Variants in EYA2 observed in about 807,000 individuals in gnomAD.
EYA2 encodes protein phosphatase EYA2.
A neutral mutation model predicts 69.2 loss-of-function variants in EYA2; 31 were observed. The ratio of observed to expected loss-of-function variants is 0.45; its 90% CI spans 0.34 to 0.60. The LOEUF (loss-of-function observed/expected upper bound fraction) is 0.60. Ranked by LOEUF, EYA2 falls within the 20% of genes least tolerant of loss-of-function variation. The pLI is 0.02. For missense variants in EYA2, 622 were observed against 701.2 expected (o/e 0.89, Z 1.28); for synonymous variants, 257 against 279.4 (o/e 0.92, Z 0.80).
intron 5 of EYA2, among the ~76,000 whole-genome samples, chr20:47,060,261 A>T (rs9989919): frequency 0.032 from 4,916 of 152,308 alleles, 197 homozygotes; most frequent in East Asian, 0.11. Flanking sequence ...TTCGTTTGGC[A>T]TCTCAATTAT....
chr20:47,005,211 G>C (rs1447937096), intron 4 of EYA2, 127 bp downstream of exon 4: 1 of 1,066,650 alleles, frequency 9.4e-7, no homozygotes, highest in Non-Finnish European at 1.3e-6. Flanking sequence ...TAGAGATAAA[G>C]GGAAAAGAGT....
At chr20:47,143,291 C>A in intron 10 of EYA2, 143 bp downstream of exon 10, 1 of 761,994 alleles carries the variant, frequency 1.3e-6, no homozygotes, top group Non-Finnish European at 2.0e-6. Flanking sequence ...CTTTTGCTAA[C>A]AACCCCCAAA....
At chr20:47,057,510 AC>A (rs796462817) in intron 5 of EYA2, among the ~76,000 whole-genome samples, 9,463 of 94,540 alleles carry the variant, frequency 0.1, 791 homozygotes, top group African/African-American at 0.24. Context: ...TTTTTATATC[AC>A]CCCCCCCCCC....
At chr20:46,907,407 G>C (rs112944513) in intron 1 of EYA2, among the ~76,000 whole-genome samples, 2,339 of 152,328 alleles carry the variant, frequency 0.015, 21 homozygotes, top group Middle Eastern at 0.034. Flanking sequence ...CTGTCCAGGT[G>C]AGGAAGCAGC....
At chr20:46,899,937 C>G (rs190610815) in intron 1 of EYA2, among the ~76,000 whole-genome samples, 109 of 152,304 alleles carry the variant, frequency 7.2e-4, no homozygotes, top group Non-Finnish European at 1.2e-3. Context: ...AAAACAGGAA[C>G]TTAGACGCGC....
At chr20:47,148,089 G>A (rs1193638707) in intron 10 of EYA2, among the ~76,000 whole-genome samples, 1 of 151,570 alleles carries the variant, frequency 6.6e-6, no homozygotes, top group East Asian at 1.9e-4. Context: ...AAAAAAAATG[G>A]TCCGGGACAC....
chr20:46,999,514 G>A (rs918497401), intron 2 of EYA2, among the ~76,000 whole-genome samples: 5 of 152,230 alleles, frequency 3.3e-5, no homozygotes, highest in African/African-American at 1.2e-4. Flanking sequence ...GCACGTGCAT[G>A]CACACACAAC....
chr20:47,029,228 C>T (rs1309755305), intron 5 of EYA2, among the ~76,000 whole-genome samples: 1 of 152,210 alleles, frequency 6.6e-6, no homozygotes, highest in African/African-American at 2.4e-5. Context: ...ATGGATGTGT[C>T]CTGTCTCAGC....
At chr20:47,114,641 G>C (rs1231750352) in intron 9 of EYA2, among the ~76,000 whole-genome samples, 5 of 152,018 alleles carry the variant, frequency 3.3e-5, no homozygotes, top group Admixed American at 2.0e-4. Flanking sequence ...ATAAAGCTTT[G>C]GCCTCTATCA....
chr20:46,935,183 G>A (rs1372381970), intron 1 of EYA2, among the ~76,000 whole-genome samples: 3 of 152,212 alleles, frequency 2.0e-5, no homozygotes, highest in Admixed American at 6.5e-5. Context: ...TGTAGAGTGA[G>A]TGCAGGAAGC....
chr20:46,909,659 T>G (rs1984550766), intron 1 of EYA2, among the ~76,000 whole-genome samples: 1 of 152,180 alleles, frequency 6.6e-6, no homozygotes, highest in Non-Finnish European at 1.5e-5. Context: ...TCTTAATCAG[T>G]CTCTCTGTTC....
chr20:47,125,198 C>T (rs1191998753), intron 9 of EYA2, among the ~76,000 whole-genome samples: 1 of 151,880 alleles, frequency 6.6e-6, no homozygotes, highest in Non-Finnish European at 1.5e-5. Context: ...GGACTACAGG[C>T]ACCTGCCACT....
intron 7 of EYA2, among the ~76,000 whole-genome samples, chr20:47,079,987 G>A (rs1456814946): frequency 6.6e-6 from 1 of 152,204 alleles, no homozygotes; most frequent in Non-Finnish European, 1.5e-5. Context: ...AAGACTGTAT[G>A]TAACAGGCAA....
At chr20:46,907,246 G>A (rs958000086) in intron 1 of EYA2, among the ~76,000 whole-genome samples, 3 of 152,346 alleles carry the variant, frequency 2.0e-5, no homozygotes, top group South Asian at 4.1e-4. Context: ...AGGGAAAACC[G>A]CCTGAGCTGT....
intron 5 of EYA2, among the ~76,000 whole-genome samples, chr20:47,029,239 C>T (rs551478340): frequency 1.1e-4 from 17 of 152,162 alleles, no homozygotes; most frequent in South Asian, 4.1e-4. Flanking sequence ...CTGTCTCAGC[C>T]ACATCAGCTG....
At chr20:47,092,546 T>C (rs944407722) in intron 8 of EYA2, among the ~76,000 whole-genome samples, 3 of 152,188 alleles carry the variant, frequency 2.0e-5, no homozygotes, top group Admixed American at 6.5e-5. Context: ...ACATACATAA[T>C]ATTCCCTCCC....
intron 1 of EYA2, among the ~76,000 whole-genome samples, chr20:46,961,317 C>T (rs1979463586): frequency 6.6e-6 from 1 of 152,100 alleles, no homozygotes; most frequent in South Asian, 2.1e-4. Context: ...CAGAGCGAGA[C>T]TCTGTCTCAA....
chr20:47,140,143 G>A (rs997996504), intron 9 of EYA2, among the ~76,000 whole-genome samples: 10 of 152,182 alleles, frequency 6.6e-5, no homozygotes, highest in Non-Finnish European at 1.2e-4. Context: ...GAATTGCTCC[G>A]TCAAAGAGGA....
At chr20:46,902,640 G>A (rs754941089) in intron 1 of EYA2, among the ~76,000 whole-genome samples, 1 of 152,188 alleles carries the variant, frequency 6.6e-6, no homozygotes, top group Non-Finnish European at 1.5e-5. Context: ...CACTTGCATT[G>A]CCTTATGGAT....
Sources: gnomAD v4.1 joint callset for allele counts (sites outside exome capture counted in the v4.1 genomes callset) on GRCh38, gnomAD v4.1.1 for gene constraint, MANE v1.5 for transcripts, NCBI Gene and HGNC (gene_info 2026-07-23, HGNC 2026-07-21) for gene names.